The following PRKDC variants were observed in gnomAD, a reference collection of about 807,000 sequenced individuals.
PRKDC encodes the protein DNA-dependent protein kinase catalytic subunit.
A neutral mutation model predicts 486.9 loss-of-function variants in PRKDC; 82 were observed. The ratio of observed to expected loss-of-function variants is 0.17; its 90% CI spans 0.14 to 0.20. The LOEUF (loss-of-function observed/expected upper bound fraction) is 0.20, where lower values mean the gene tolerates loss of function less well. PRKDC is among the 10% of genes least tolerant of loss of function. PRKDC has a pLI of 1.00. For missense variants in PRKDC, 4,504 were observed against 5,038.2 expected, an observed-to-expected ratio of 0.89 and a Z score of 3.21; for synonymous variants, 1,895 against 1,837.0, an observed-to-expected ratio of 1.03 and a Z score of -0.81.
rs149309113 is a variant in PRKDC at position 47,821,852 on chromosome 8, A to G, written c.8923-60T>C. 30 of 1,365,598 alleles carry G rather than the reference A, an allele frequency of 2.2e-5. No individual in the cohort carries two copies. In the African/African-American group the frequency reaches 4.0e-4, roughly 18 times the overall value. The allele number at this position is 1,365,598 out of a possible 1,614,324, so 84.6% of individuals were successfully genotyped here. The stretch of plus-strand genomic sequence containing the variant: ...AGTTGGAAAGAATACCAATGAGAAC[A>G]CGTAAAAAGGAGGAATGTAACAATC... On this transcript the variant is annotated intron_variant, in intron 64 of 85. Transcript: ENST00000314191.
chr8:47,774,943 GTC>G (rs8178266), intron 85 of PRKDC, among the ~76,000 whole-genome samples: 4,670 of 151,968 alleles, frequency 0.031, 99 homozygotes, highest in Non-Finnish European at 0.049. Flanking sequence ...TAAAATTATA[GTC>G]ATCTGGCAAG....
intron 40 of PRKDC, among the ~76,000 whole-genome samples, chr8:47,871,821 C>T (rs1206805932): frequency 6.6e-6 from 1 of 151,798 alleles, no homozygotes; most frequent in Non-Finnish European, 1.5e-5. Context: ...AAACTCCTGA[C>T]CTCAGGAGAT....
chr8:47,798,541 A>G, intron 72 of PRKDC, 144 bp from the exon 73 acceptor site: 1 of 850,552 alleles, frequency 1.2e-6, no homozygotes, highest in Non-Finnish European at 1.7e-6. Flanking sequence ...TACACCAACA[A>G]ACACCAGGTA....
intron 41 of PRKDC, among the ~76,000 whole-genome samples, 194 bp downstream of exon 41, chr8:47,864,362 A>G (rs928841711): frequency 2.6e-5 from 4 of 152,152 alleles, no homozygotes; most frequent in African/African-American, 4.8e-5. Flanking sequence ...CCAGAAGTGT[A>G]AGAGAATATC....
At chr8:47,861,817 C>T (rs1205285541) in intron 44 of PRKDC, among the ~76,000 whole-genome samples, 2 of 152,198 alleles carry the variant, frequency 1.3e-5, no homozygotes, top group Non-Finnish European at 2.9e-5. Flanking sequence ...TATGTCCTAA[C>T]ACTTCCTTTT....
At position 47,914,034 on chromosome 8, in the gene PRKDC, T is replaced by G. The variant is rs778363266; in HGVS notation, c.2648A>C (p.Tyr883Ser). 1 of 1,574,142 alleles carries G rather than the reference T, an allele frequency of 6.4e-7. No individual in the cohort carries two copies. Among genetic ancestry groups the G allele is most frequent in the Non-Finnish European group, 8.6e-7 (1 of 1,162,170 alleles). ...VTSSDEMMKS[Y>S]VAWDREKRLS... ...CCGCTTCTCTCTGTCCCAGGCCACA[T>G]AGCTCTTCATCATCTCATCTGAGGA... The change falls in exon 24 of 86, where the codon TAT becomes TCT. Residue 883 changes from tyrosine to serine, a missense_variant. Tyr to Ser is a moderately radical substitution (Grantham distance 144). Around this residue, in one of 6 missense-constraint regions of PRKDC, gnomAD observed 1,969 missense variants for 2,068.9 expected, o/e 0.95. Coordinates refer to ENST00000314191, the MANE Select transcript of PRKDC (RefSeq NM_006904.7).
intron 80 of PRKDC, among the ~76,000 whole-genome samples, chr8:47,780,236 T>C (rs1251412272): frequency 6.6e-6 from 1 of 152,186 alleles, no homozygotes; most frequent in Non-Finnish European, 1.5e-5. Flanking sequence ...TTTCTTTATA[T>C]TTCCAATAGG....
chr8:47,823,229 A>G (rs1461588929), intron 64 of PRKDC, among the ~76,000 whole-genome samples: 2 of 151,842 alleles, frequency 1.3e-5, no homozygotes, highest in Non-Finnish European at 2.9e-5. Flanking sequence ...CCAGCTACTC[A>G]GGTGGCTGAG....
At chr8:47,856,639 C>A (rs758933950) in intron 49 of PRKDC, among the ~76,000 whole-genome samples, 4 of 152,080 alleles carry the variant, frequency 2.6e-5, no homozygotes, top group Admixed American at 6.5e-5. Context: ...AAAGCACCAA[C>A]ACACACACAC....
intron 48 of PRKDC, 30 bp downstream of exon 48, chr8:47,858,486 C>G (rs1269139565): frequency 7.0e-6 from 10 of 1,428,370 alleles, no homozygotes; most frequent in Admixed American, 5.4e-5. Context: ...AGAATCTATT[C>G]AAAGAATAAA....
At chr8:47,807,429 T>G in intron 68 of PRKDC, 103 bp from the exon 69 acceptor site, 2 of 1,082,660 alleles carry the variant, frequency 1.8e-6, no homozygotes, top group Non-Finnish European at 2.6e-6. Flanking sequence ...GTTTGTTCTT[T>G]TTTTTTTGAG....
chr8:47,882,070 C>G lies in PRKDC; in HGVS notation c.4804G>C (p.Asp1602His), dbSNP rs2089231885. The G allele has an allele frequency of 1.9e-6, 3 of 1,613,810 alleles. No individual in the cohort carries two copies. The African/African-American group carries it at 4.0e-5, about 22-fold the overall frequency. Residue 1602 changes from aspartate to histidine, a missense_variant, in exon 37 of 86, where the codon GAC becomes CAC. Around this residue, in one of 6 missense-constraint regions of PRKDC, gnomAD observed 1,969 missense variants for 2,068.9 expected, o/e 0.95. Transcript: ENST00000314191. ...MVSAVLNGML[D>H]QSFRERANQK... ...TTTGCTCGCTCCCTGAAGCTCTGGT[C>G]TAACATGCCGTTCAAAACGGCACTC...
chr8:47,855,004 G>T (rs2088501006), intron 50 of PRKDC, among the ~76,000 whole-genome samples: 1 of 152,212 alleles, frequency 6.6e-6, no homozygotes, highest in African/African-American at 2.4e-5. Context: ...CCAGCGTGGG[G>T]ACATCAGAGG....
chr8:47,846,802 T>G (rs1421624185), intron 54 of PRKDC, among the ~76,000 whole-genome samples: 1 of 143,786 alleles, frequency 7.0e-6, no homozygotes, highest in Non-Finnish European at 1.5e-5. Flanking sequence ...ATGACTTGAG[T>G]AAAGTTCTAG....
At chr8:47,867,487 T>C (rs2088844329) in intron 40 of PRKDC, among the ~76,000 whole-genome samples, 1 of 152,254 alleles carries the variant, frequency 6.6e-6, no homozygotes, top group Non-Finnish European at 1.5e-5. Flanking sequence ...TATCCTTAGA[T>C]GGCATGTACT....
At chr8:47,927,942 A>G in intron 19 of PRKDC, 52 bp from the exon 20 acceptor site, 1 of 1,352,732 alleles carries the variant, frequency 7.4e-7, no homozygotes, top group Non-Finnish European at 9.6e-7. Context: ...CTACATTTGA[A>G]AATCAACTAA....
Position 47,862,043 on chromosome 8 carries a change from C to A in PRKDC, c.5985+19G>T. The A allele has an allele frequency of 6.5e-7, 1 of 1,528,780 alleles. No individual in the cohort carries two copies. Among genetic ancestry groups the A allele is most frequent in the Non-Finnish European group, 8.8e-7 (1 of 1,131,092 alleles). The allele number at this position is 1,528,780 out of a possible 1,614,324, so 94.7% of individuals were successfully genotyped here. A position where few individuals can be genotyped will look rare whatever the true frequency, so the allele number is the denominator to read the frequency against. On this transcript the variant is annotated intron_variant, in intron 44 of 85. Transcript: ENST00000314191. ...TGAGCACTTGATAAGTTTTTTTTAA[C>A]ATTGAAAATTTCACTCACCTCAACT...
intron 77 of PRKDC, 131 bp downstream of exon 77, chr8:47,784,982 G>C (rs8178237): frequency 1.1e-6 from 1 of 909,238 alleles, no homozygotes; most frequent in African/African-American, 1.7e-5. Context: ...AAAATTCGGT[G>C]AATTTTAAAA....
intron 64 of PRKDC, among the ~76,000 whole-genome samples, chr8:47,823,487 C>T (rs938180492): frequency 6.6e-6 from 1 of 151,764 alleles, no homozygotes; most frequent in African/African-American, 2.4e-5. Context: ...CTGTGCAGCC[C>T]GTGGAACCGT....
Sources: allele counts gnomAD v4.1 joint callset (sites outside exome capture counted in the v4.1 genomes callset), GRCh38; gene constraint gnomAD v4.1.1; regional missense constraint gnomAD v4.1.1; transcripts MANE v1.5; gene names NCBI Gene and HGNC (gene_info 2026-07-23, HGNC 2026-07-21).